DLG5: variants seen among roughly 807,000 people sequenced by gnomAD.
DLG5 encodes disks large homolog 5.
DLG5 carries 48 observed loss-of-function variants against 189.8 expected under a neutral mutation model. The observed-to-expected ratio is 0.25, with a 90% CI of 0.20 to 0.32. The LOEUF is 0.32. Among genes scored for constraint, DLG5 ranks in the 10% least tolerant of loss-of-function variants. DLG5 has a pLI of 1.00. For missense variants in DLG5, 2,160 were observed against 2,544.7 expected (o/e 0.85, Z 3.25); for synonymous variants, 1,016 against 1,054.1 (o/e 0.96, Z 0.70).
intron 1 of DLG5, chr10:77,869,603 G>C (rs1844820702): frequency 4.5e-6 from 1 of 223,020 alleles, no homozygotes; most frequent in African/African-American, 2.4e-5. Context: ...AAGAACAACT[G>C]AACTATCTGT....
intron 2 of DLG5, among the ~76,000 whole-genome samples, chr10:77,863,308 A>G (rs1844546543): frequency 6.6e-6 from 1 of 152,118 alleles, no homozygotes; most frequent in South Asian, 2.1e-4. Flanking sequence ...TATGTTGCCC[A>G]GGCTAGTCTC....
At chr10:77,811,020 G>C in intron 23 of DLG5, 74 bp downstream of exon 23, 1 of 1,542,408 alleles carries the variant, frequency 6.5e-7, no homozygotes. Flanking sequence ...CAGTGCCCAC[G>C]CCACTTGGAG....
chr10:77,796,934 T>C lies in DLG5; in HGVS notation c.5165-340A>G, dbSNP rs1454417318. On this transcript the variant is annotated intron_variant, in intron 27 of 31. Coordinates refer to ENST00000372391, the MANE Select transcript of DLG5 (RefSeq NM_004747.4). The surrounding 1 kb of genome is among the most constrained non-coding windows in gnomAD (Gnocchi z 5.2). ...CTCTGGCAAGGCAGCCTCTGGGGTT[T>C]GGCAGGTAAAGCTCCCACTCCCCAG... is the stretch of plus-strand genomic sequence containing the variant. Among the ~76,000 whole-genome samples, 2 of 152,202 alleles carry C rather than the reference T, an allele frequency of 1.3e-5. No homozygotes were observed. Among genetic ancestry groups the C allele is most frequent in the Non-Finnish European group, 2.9e-5 (2 of 68,038 alleles).
chr10:77,939,965 C>A, the DLG5 span, among the ~76,000 whole-genome samples: 3 of 152,222 alleles, frequency 2.0e-5, no homozygotes, highest in Non-Finnish European at 4.4e-5. Flanking sequence ...CAACCTGTAG[C>A]AACCAATTCA....
chr10:77,874,932 A>G (rs755939796), intron 1 of DLG5, among the ~76,000 whole-genome samples: 1 of 152,212 alleles, frequency 6.6e-6, no homozygotes, highest in Non-Finnish European at 1.5e-5. Context: ...TGCACTGTAT[A>G]TGGCACTCTC....
intron 27 of DLG5, among the ~76,000 whole-genome samples, chr10:77,804,704 C>G (rs1469587615): frequency 6.6e-6 from 1 of 152,226 alleles, no homozygotes; most frequent in Non-Finnish European, 1.5e-5. Flanking sequence ...TATCACTCAA[C>G]TCCAGCCCTG....
intron 17 of DLG5, 34 bp from the exon 18 acceptor site, chr10:77,817,923 G>A (rs1273451720): frequency 6.6e-7 from 1 of 1,524,492 alleles, no homozygotes; most frequent in Non-Finnish European, 8.9e-7. Flanking sequence ...AGTTCGGGAG[G>A]AGAACCAGGA....
intron 9 of DLG5, among the ~76,000 whole-genome samples, chr10:77,831,966 A>G (rs1382802455): frequency 1.3e-5 from 2 of 152,212 alleles, no homozygotes; most frequent in African/African-American, 4.8e-5. Flanking sequence ...CCAGCACTTC[A>G]GGAGGCAGAG....
chr10:77,930,273 C>A (rs1846774150), upstream of DLG5, among the ~76,000 whole-genome samples: 1 of 152,096 alleles, frequency 6.6e-6, no homozygotes, highest in Non-Finnish European at 1.5e-5. Context: ...ATCTCATAGA[C>A]TGCTCACCGC....
intron 1 of DLG5, among the ~76,000 whole-genome samples, chr10:77,875,078 A>T (rs1230518130): frequency 1.3e-5 from 2 of 152,238 alleles, no homozygotes; most frequent in East Asian, 1.9e-4. Flanking sequence ...TTCACAGAGG[A>T]AGAAACTAAG....
chr10:77,870,905 G>T (rs1048820985), intron 1 of DLG5, among the ~76,000 whole-genome samples: 2 of 152,054 alleles, frequency 1.3e-5, no homozygotes, highest in African/African-American at 4.8e-5. Context: ...ATGCAGGAGG[G>T]CAGAGAGATA....
chr10:77,854,759 G>A (rs545380435), intron 3 of DLG5, among the ~76,000 whole-genome samples: 1 of 152,274 alleles, frequency 6.6e-6, no homozygotes, highest in South Asian at 2.1e-4. Flanking sequence ...GCTGAGGCAG[G>A]TGGATCACTT....
chr10:77,844,824 CT>C (rs1843604185), intron 5 of DLG5, among the ~76,000 whole-genome samples: 1 of 152,200 alleles, frequency 6.6e-6, no homozygotes, highest in Admixed American at 6.5e-5. Context: ...AAGAAGGCGA[CT>C]TCAGAGGCAA....
chr10:77,823,444 T>C (rs1842463613), intron 14 of DLG5, among the ~76,000 whole-genome samples: 1 of 152,086 alleles, frequency 6.6e-6, no homozygotes, highest in African/African-American at 2.4e-5. Context: ...TTCAAAAATA[T>C]TTCACTAAAT....
chr10:77,831,925 T>C (rs1196371331), intron 9 of DLG5, among the ~76,000 whole-genome samples: 2 of 152,224 alleles, frequency 1.3e-5, no homozygotes, highest in African/African-American at 4.8e-5. Context: ...TGTTCACTGA[T>C]GGCCGGATGC....
intron 1 of DLG5, among the ~76,000 whole-genome samples, chr10:77,879,016 C>A (rs1260267628): frequency 1.3e-5 from 2 of 152,186 alleles, no homozygotes; most frequent in Non-Finnish European, 2.9e-5. Context: ...ATGGACAAAT[C>A]CCTGCCCTCA....
chr10:77,857,385 C>T (rs1006222313), intron 2 of DLG5, among the ~76,000 whole-genome samples: 1 of 152,232 alleles, frequency 6.6e-6, no homozygotes, highest in African/African-American at 2.4e-5. Flanking sequence ...GCCCAAGGGC[C>T]GTGTCCCCGC....
chr10:77,820,114 G>A, intron 15 of DLG5, 96 bp from the exon 16 acceptor site: 1 of 1,537,244 alleles, frequency 6.5e-7, no homozygotes, highest in Non-Finnish European at 8.7e-7. Flanking sequence ...GGGAGGCCGA[G>A]GCGGGCAGAT....
chr10:77,928,496 C>T (rs947243462), upstream of DLG5: 2 of 152,342 alleles, frequency 1.3e-5, no homozygotes, highest in African/African-American at 4.8e-5. Flanking sequence ...TCCAGACAGG[C>T]TCCCTGGCTC....
Sources: allele counts gnomAD v4.1 joint callset (sites outside exome capture counted in the v4.1 genomes callset), GRCh38; gene constraint gnomAD v4.1.1; non-coding constraint Gnocchi (gnomAD v3.1); transcripts MANE v1.5; gene names NCBI Gene and HGNC (gene_info 2026-07-23, HGNC 2026-07-21).